The following PRKCE variants were observed in gnomAD, a reference collection of about 807,000 sequenced individuals.
PRKCE encodes the protein protein kinase C epsilon.
PRKCE carries 16 observed loss-of-function variants against 85.4 expected under a neutral mutation model. The ratio of observed to expected loss-of-function variants is 0.19; its 90% CI spans 0.13 to 0.28. The LOEUF (loss-of-function observed/expected upper bound fraction) is 0.28. PRKCE is among the 10% of genes least tolerant of loss of function. The pLI is 1.00. For missense variants in PRKCE, 573 were observed against 975.2 expected (o/e 0.59, Z 5.49); for synonymous variants, 388 against 371.5 (o/e 1.04, Z -0.51).
At chr2:45,924,943 G>A (rs1698502802) in intron 2 of PRKCE, among the ~76,000 whole-genome samples, 1 of 152,160 alleles carries the variant, frequency 6.6e-6, no homozygotes, top group African/African-American at 2.4e-5. Context: ...CAGGGACATG[G>A]ACAGCTCTGA....
In PRKCE at chr2:46,183,035, C is replaced by A. The variant is rs143928090; in HGVS notation, c.2068-1700C>A. Among the ~76,000 whole-genome samples, 60 of 152,330 alleles carry A rather than the reference C, an allele frequency of 3.9e-4. 1 individual carries two copies. In the East Asian group the frequency reaches 8.1e-3, roughly 21 times the overall value. On this transcript the variant is annotated intron_variant, in intron 14 of 14. Coordinates refer to ENST00000306156, the MANE Select transcript of PRKCE (RefSeq NM_005400.3). ...CTCTCTGAGCCAGTTTCCTCATCTGCAGGATCAGGATGTTACCAGCCTGTT... is the reference window on the plus strand; with the variant it reads ...CTCTCTGAGCCAGTTTCCTCATCTGAAGGATCAGGATGTTACCAGCCTGTT...
chr2:46,158,635 T>G (rs1257746036), intron 13 of PRKCE, among the ~76,000 whole-genome samples: 2 of 152,264 alleles, frequency 1.3e-5, no homozygotes, highest in Admixed American at 1.3e-4. Flanking sequence ...CTACCAAAGA[T>G]GTATTCCTTT....
At chr2:46,045,836 CA>C (rs1254617404) in intron 10 of PRKCE, among the ~76,000 whole-genome samples, 3 of 151,674 alleles carry the variant, frequency 2.0e-5, no homozygotes, top group African/African-American at 7.3e-5. Flanking sequence ...GAGCCGAGAT[CA>C]TACCACTGCA....
At chr2:45,840,311 G>C (rs781470787) in intron 1 of PRKCE, 2 of 152,214 alleles carry the variant, frequency 1.3e-5, no homozygotes, top group African/African-American at 2.4e-5. Context: ...TTTTGTCAGG[G>C]AGAAGATTCT....
intron 1 of PRKCE, among the ~76,000 whole-genome samples, chr2:45,781,228 T>C (rs1461433800): frequency 6.6e-6 from 1 of 152,018 alleles, no homozygotes; most frequent in African/African-American, 2.4e-5. Flanking sequence ...TCCCAGCTGC[T>C]TGGGAGGTTG....
chr2:45,767,068 G>A (rs1415812243), intron 1 of PRKCE, among the ~76,000 whole-genome samples: 2 of 151,858 alleles, frequency 1.3e-5, no homozygotes, highest in South Asian at 4.2e-4. Context: ...AACTTCCTGT[G>A]GGCAAATTTG....
intron 2 of PRKCE, among the ~76,000 whole-genome samples, chr2:45,904,943 G>C (rs1405210479): frequency 6.6e-6 from 1 of 152,222 alleles, no homozygotes; most frequent in Non-Finnish European, 1.5e-5. Flanking sequence ...GTCCACGTGT[G>C]AGGTCCCGGG....
chr2:46,034,118 T>G (rs984841081), intron 10 of PRKCE, among the ~76,000 whole-genome samples: 2 of 152,200 alleles, frequency 1.3e-5, no homozygotes, highest in Non-Finnish European at 2.9e-5. Flanking sequence ...AATTTGGCTC[T>G]GAAATAAAGG....
chr2:46,055,468 C>T (rs1356502889), intron 10 of PRKCE, among the ~76,000 whole-genome samples: 1 of 152,244 alleles, frequency 6.6e-6, no homozygotes, highest in Non-Finnish European at 1.5e-5. Context: ...TTCAATCTCT[C>T]AGTCAGACTG....
At position 45,730,274 on chromosome 2, in the gene PRKCE, T is replaced by A. The variant is rs917994511; in HGVS notation, c.348+77826T>A. Among the ~76,000 whole-genome samples, 9 of 152,114 alleles carry A rather than the reference T, an allele frequency of 5.9e-5. No homozygotes were observed. In the East Asian group the frequency reaches 1.7e-3, roughly 29 times the overall value. On this transcript the variant is annotated intron_variant, in intron 1 of 14. Coordinates refer to ENST00000306156, the MANE Select transcript of PRKCE (RefSeq NM_005400.3). ...CTCAAACAACCCTCCCATCTCAGCCTCCTGGGTAGCTAGGATTACAGGTGT... is the reference window on the plus strand; with the variant it reads ...CTCAAACAACCCTCCCATCTCAGCCACCTGGGTAGCTAGGATTACAGGTGT...
intron 1 of PRKCE, among the ~76,000 whole-genome samples, chr2:45,745,769 C>G (rs1429458401): frequency 1.3e-5 from 2 of 152,108 alleles, no homozygotes; most frequent in Non-Finnish European, 1.5e-5. Context: ...TCCTCAGTAT[C>G]TGAACAGTGG....
Position 45,745,842 on chromosome 2 carries a change from G to A in PRKCE, c.348+93394G>A, listed in dbSNP as rs150009204. On this transcript the variant is annotated intron_variant, in intron 1 of 14. Transcript: ENST00000306156. ...TCTGTATTTCAGTTTGTTCAGCATC[G>A]AATTTCTTTTCCACCGTAGTTGAAT... Among the ~76,000 whole-genome samples the A allele has an allele frequency of 4.0e-4, 61 of 152,232 alleles. 1 individual carries two copies. In the East Asian group the frequency reaches 6.4e-3, roughly 16 times the overall value.
Position 45,659,634 on chromosome 2 carries a change from C to G in PRKCE, c.348+7186C>G, listed in dbSNP as rs542130315. The stretch of plus-strand genomic sequence containing the variant: ...TCATTCCTCTCTAGCTATCCTGACC[C>G]ACTTGACACCCCTTAAATGCACTTA... On this transcript the variant is annotated intron_variant, in intron 1 of 14. Transcript: ENST00000306156. 2.6e-5 allele frequency among the ~76,000 whole-genome samples: 4 copies of G among 152,290 alleles called. No individual in the cohort carries two copies. In the South Asian group the frequency reaches 6.2e-4, roughly 24 times the overall value.
At chr2:45,940,350 A>G (rs1468167393) in intron 2 of PRKCE, among the ~76,000 whole-genome samples, 1 of 152,218 alleles carries the variant, frequency 6.6e-6, no homozygotes, top group African/African-American at 2.4e-5. Flanking sequence ...CAGACCTTCC[A>G]TCTGTATTCA....
intron 1 of PRKCE, among the ~76,000 whole-genome samples, chr2:45,667,586 C>A (rs1373856930): frequency 6.6e-6 from 1 of 152,070 alleles, no homozygotes; most frequent in Non-Finnish European, 1.5e-5. Flanking sequence ...CATGCACGCA[C>A]ACACCTGTAT....
intron 1 of PRKCE, among the ~76,000 whole-genome samples, chr2:45,682,440 T>A (rs1572928613): frequency 1.3e-5 from 2 of 152,178 alleles, no homozygotes; most frequent in African/African-American, 2.4e-5. Context: ...TTATTTATTT[T>A]TTTTGAGACA....
At chr2:45,655,776 C>T (rs1272581547) in intron 1 of PRKCE, among the ~76,000 whole-genome samples, 1 of 144,116 alleles carries the variant, frequency 6.9e-6, no homozygotes, top group Non-Finnish European at 1.5e-5. Flanking sequence ...TTCAAGGCTG[C>T]AGTGTGCTAT....
intron 10 of PRKCE, among the ~76,000 whole-genome samples, chr2:46,038,027 C>T (rs1048596884): frequency 6.6e-6 from 1 of 152,164 alleles, no homozygotes; most frequent in Non-Finnish European, 1.5e-5. Flanking sequence ...TGTGCAAGCT[C>T]CTGGCACAGC....
At chr2:45,932,976 A>G (rs1387423278) in intron 2 of PRKCE, among the ~76,000 whole-genome samples, 1 of 152,258 alleles carries the variant, frequency 6.6e-6, no homozygotes, top group Non-Finnish European at 1.5e-5. Context: ...AAGTCTGAAT[A>G]GTATTCCATT....
Sources: allele counts gnomAD v4.1 joint callset (sites outside exome capture counted in the v4.1 genomes callset), GRCh38; gene constraint gnomAD v4.1.1; transcripts MANE v1.5; gene names NCBI Gene and HGNC (gene_info 2026-07-23, HGNC 2026-07-21).